SHC1: variants seen among roughly 807,000 people sequenced by gnomAD.
The protein encoded by SHC1 is SHC-transforming protein 1.
Under a neutral mutation model 55.9 loss-of-function variants are expected in SHC1, and 30 were observed. The ratio of observed to expected loss-of-function variants is 0.54; its 90% CI spans 0.40 to 0.73. The LOEUF (loss-of-function observed/expected upper bound fraction) is 0.73, where lower values mean the gene tolerates loss of function less well. Among genes scored for constraint, SHC1 ranks in the 30% least tolerant of loss-of-function variants. The pLI, the probability that SHC1 is intolerant of heterozygous loss-of-function variation, is 0.00. For missense variants in SHC1, 675 were observed against 777.1 expected (o/e 0.87, Z 1.56); for synonymous variants, 309 against 306.1 (o/e 1.01, Z -0.10).
At chr1:154,972,151 A>T (rs995204998), upstream of SHC1, among the ~76,000 whole-genome samples, 1 of 151,836 alleles carries the variant, frequency 6.6e-6, no homozygotes, top group African/African-American at 2.4e-5. Context: ...AGGCTGAGGC[A>T]GGAGAATCGC....
At chr1:154,964,761 T>A (rs1195694544) in intron 11 of SHC1, among the ~76,000 whole-genome samples, 1 of 152,066 alleles carries the variant, frequency 6.6e-6, no homozygotes, top group Admixed American at 6.5e-5. Flanking sequence ...CCACCACACC[T>A]GGCTAAACAA....
At chr1:154,964,071 C>T (rs754449084) in intron 11 of SHC1, 140 bp from the exon 12 acceptor site, 1 of 867,766 alleles carries the variant, frequency 1.2e-6, no homozygotes, top group Admixed American at 1.7e-5. Context: ...GCCTGTCAAT[C>T]CTGATCATTG....
rs372092282 is a variant in SHC1, at chr1:154,970,188, C to T, written c.339G>A (p.Lys113=). The part of the protein sequence containing the change: ...GPLPLLQDMN[K]LSGGGGRRTR... Reference sequence around the variant, plus strand: ...TCCTGCGCCCGCCGCCTCCACTCAGCTTGTTCATGTCCTGGAGGAGGGGTA... The same window carrying T: ...TCCTGCGCCCGCCGCCTCCACTCAGTTTGTTCATGTCCTGGAGGAGGGGTA... The change falls in exon 1 of 12, where the codon AAG becomes AAA. Residue 113 remains lysine, a synonymous_variant. Transcript: ENST00000448116. This position sits in a 1 kb window ranked among gnomAD's most constrained non-coding sequence, Gnocchi z 5.5. The T allele has an allele frequency of 6.2e-7, 1 of 1,613,722 alleles. No individual in the cohort carries two copies. The highest frequency in any genetic ancestry group is 8.5e-7 in the Non-Finnish European group (1 of 1,179,984).
chr1:154,965,443 G>A lies in SHC1; in HGVS notation c.1626+100C>T, dbSNP rs193245312. On this transcript the variant is annotated intron_variant, in intron 11 of 11. Transcript: ENST00000448116. Reference sequence around the variant, plus strand: ...AGAGGCCCATAGACAGCTGCCCAGCGGGAATGTCTACAAAGCAATGAGGGA... The same window carrying A: ...AGAGGCCCATAGACAGCTGCCCAGCAGGAATGTCTACAAAGCAATGAGGGA... 1.5e-4 allele frequency: 235 copies of A among 1,612,924 alleles called. 1 individual carries two copies. Among genetic ancestry groups the A allele is most frequent in the East Asian group, 7.6e-4 (34 of 44,868 alleles).
At chr1:154,968,111 C>T in intron 5 of SHC1, 80 bp from the exon 6 acceptor site, 2 of 1,586,254 alleles carry the variant, frequency 1.3e-6, no homozygotes, top group Non-Finnish European at 8.7e-7. Context: ...GATATCCCCA[C>T]AATCCTAGCA....
At position 154,970,448 on chromosome 1, in the gene SHC1, C is replaced by A. The variant is rs1656618136; in HGVS notation, c.79G>T (p.Gly27Trp). 6.2e-7 allele frequency: 1 copy of A among 1,611,530 alleles called. No individual in the cohort carries two copies. Among genetic ancestry groups the A allele is most frequent in the Non-Finnish European group, 8.5e-7 (1 of 1,179,282 alleles). ...SLSSLEEGAS[G>W]STPPEELPSP... is the part of the protein sequence containing the mutation. ...GGCAGCTCCTCCGGGGGGGTGGACC[C>A]AGAAGCCCCTTCCTCCAGCGATGAC... The change falls in exon 1 of 12, where the codon GGG (glycine) becomes TGG (tryptophan). Residue 27 changes from glycine to tryptophan, a missense_variant. Transcript: ENST00000448116. The surrounding 1 kb of genome is among the most constrained non-coding windows in gnomAD (Gnocchi z 5.5).
rs1457794526 is a variant in SHC1 at position 154,970,243 on chromosome 1, A to G, written c.284T>C (p.Val95Ala). ...GRAADDGEGI[V>A]GAAMPDSGPL... ...GCCTGAGTCTGGCATGGCTGCCCCTACGATCCCCTCCCCATCATCAGCTGC... is the reference window on the plus strand; with the variant it reads ...GCCTGAGTCTGGCATGGCTGCCCCTGCGATCCCCTCCCCATCATCAGCTGC... The change falls in exon 1 of 12, where the codon GTA becomes GCA. Residue 95 changes from valine (V) to alanine (A), a missense_variant. Val to Ala is a moderately conservative substitution (Grantham distance 64). Coordinates refer to ENST00000448116, the MANE Select transcript of SHC1 (RefSeq NM_001130040.2). The surrounding 1 kb of genome is among the most constrained non-coding windows in gnomAD (Gnocchi z 5.5). 1 of 1,612,538 alleles carries G rather than the reference A, an allele frequency of 6.2e-7. No homozygotes were observed. The highest frequency in any genetic ancestry group is 8.5e-7 in the Non-Finnish European group (1 of 1,179,176).
At chr1:154,967,881 C>T (rs568958767) in intron 6 of SHC1, 84 bp from the exon 7 acceptor site, 41 of 1,600,244 alleles carry the variant, frequency 2.6e-5, no homozygotes, top group Non-Finnish European at 3.2e-5. Context: ...TCTGCAGGAA[C>T]CCCCACTGAG....
rs1355571152 is a variant in SHC1 at position 154,968,842 on chromosome 1, AAG to A, written c.567-10_567-9del. ...ACCAGACTGATGGCCTCCCTGGGGA[AAG>A]AGGGGTACTCAGACCCAGCGCCTGC... is the stretch of plus-strand genomic sequence containing the variant. On this transcript the variant is annotated splice_polypyrimidine_tract_variant and intron_variant, in intron 2 of 11. Coordinates refer to ENST00000448116, the MANE Select transcript of SHC1 (RefSeq NM_001130040.2). 6 of 1,613,592 alleles carry A rather than the reference AAG, an allele frequency of 3.7e-6. No individual in the cohort carries two copies. The highest frequency in any genetic ancestry group is 2.7e-5 in the African/African-American group (2 of 74,882).
chr1:154,965,368 G>T, intron 11 of SHC1, 175 bp downstream of exon 11: 1 of 1,593,260 alleles, frequency 6.3e-7, no homozygotes, highest in Non-Finnish European at 8.5e-7. Flanking sequence ...CATAGTTCAG[G>T]CTAAGGGATG....
chr1:154,965,584 C>G lies in SHC1; in HGVS notation c.1585G>C (p.Gly529Arg), dbSNP rs1655848251. ...GQYVLTGLQS[G>R]QPKHLLLVDP... ...ACCAGTAGCAAATGCTTAGGCTGCC[C>G]ACTCTGCAAGCCAGTGAGCACATAC... is the stretch of plus-strand genomic sequence containing the variant. The change falls in exon 11 of 12, where the codon GGG becomes CGG. Residue 529 changes from glycine (G) to arginine (R), a missense_variant. By Grantham distance (125) the Gly-to-Arg change is moderately radical. Around this residue, in one of 3 missense-constraint regions of SHC1, gnomAD observed 360 missense variants for 371.1 expected, o/e 0.97. Transcript: ENST00000448116. 1.2e-6 allele frequency: 2 copies of G among 1,614,178 alleles called. No individual in the cohort carries two copies. The highest frequency in any genetic ancestry group is 1.7e-6 in the Non-Finnish European group (2 of 1,180,052).
At position 154,965,606 on chromosome 1, in the gene SHC1, A is replaced by AT; in HGVS notation, c.1562dup (p.Tyr521Ter). 1 of 1,614,130 alleles carries AT rather than the reference A, an allele frequency of 6.2e-7. No individual in the cohort carries two copies. The highest frequency in any genetic ancestry group is 1.7e-5 in the Admixed American group (1 of 60,022). ...GCCCACTCTGCAAGCCAGTGAGCAC[A>AT]TACTGGCCAGGTGTGGTCGTGCTCT... ...VRESTTTPGQ[Y>*]VLTGLQSGQP... Residue 521 changes from tyrosine (Y) to a stop codon, truncating the protein, a stop_gained and frameshift_variant, in exon 11 of 12, where the codon TAT becomes TAAT. Coordinates refer to ENST00000448116, the MANE Select transcript of SHC1 (RefSeq NM_001130040.2). LOFTEE classifies it high-confidence loss of function.
rs750598521 is a variant in SHC1 at position 154,968,763 on chromosome 1, C to A, written c.630+8G>T. 2.5e-5 allele frequency: 40 copies of A among 1,613,338 alleles called. No individual in the cohort carries two copies. Among genetic ancestry groups the A allele is most frequent in the Non-Finnish European group, 5.1e-6 (6 of 1,179,498 alleles). Reference sequence around the variant, plus strand: ...AGCAGCATCCCTATCCCCAAGGACCCCAAGTACCTTTCTCCTCCTTGTCGC... The same window carrying A: ...AGCAGCATCCCTATCCCCAAGGACCACAAGTACCTTTCTCCTCCTTGTCGC... On this transcript the variant is annotated splice_region_variant and intron_variant, in intron 3 of 11. Coordinates refer to ENST00000448116, the MANE Select transcript of SHC1 (RefSeq NM_001130040.2).
upstream of SHC1, among the ~76,000 whole-genome samples, chr1:154,973,673 A>G (rs1656966646): frequency 6.6e-6 from 1 of 152,196 alleles, no homozygotes; most frequent in African/African-American, 2.4e-5. Context: ...AAAGGACAGG[A>G]AAATATAAGC....
Position 154,966,306 on chromosome 1 carries a change from C to A in SHC1, c.1182+13G>T, listed in dbSNP as rs1390230999. 18 of 1,612,982 alleles carry A rather than the reference C, an allele frequency of 1.1e-5. No individual in the cohort carries two copies. The highest frequency in any genetic ancestry group is 1.5e-5 in the Non-Finnish European group (18 of 1,179,102). On this transcript the variant is annotated intron_variant, in intron 8 of 11. Transcript: ENST00000448116. The stretch of plus-strand genomic sequence containing the variant: ...CACCCTAGCCCCAGCCCGCCTCCAT[C>A]CAAGCAACTTACCAATGTAGCTCCC...
At position 154,968,220 on chromosome 1, in the gene SHC1, G is replaced by A. The variant is rs1156322221; in HGVS notation, c.788C>T (p.Ala263Val). Reference sequence around the variant, plus strand: ...CCAACTCACCGGATCCCCGCCGGATGCAAATGAGATAGATTGCATGTGGTG... The same window carrying A: ...CCAACTCACCGGATCCCCGCCGGATACAAATGAGATAGATTGCATGTGGTG... ...ANHHMQSISF[A>V]SGGDPDTAEY... The change falls in exon 5 of 12, where the codon GCA becomes GTA. Residue 263 changes from alanine to valine, a missense_variant. Physicochemically the swap from Ala to Val is moderately conservative, Grantham distance 64 (BLOSUM62 0). This residue lies in a region of SHC1 where 159 missense variants were observed against 246.9 expected (regional missense o/e 0.64). Coordinates refer to ENST00000448116, the MANE Select transcript of SHC1 (RefSeq NM_001130040.2). 1 of 1,614,142 alleles carries A rather than the reference G, an allele frequency of 6.2e-7. No homozygotes were observed. Among genetic ancestry groups the A allele is most frequent in the Admixed American group, 1.7e-5 (1 of 60,028 alleles).
rs1183506359 is a variant in SHC1, at chr1:154,970,106, C to G, written c.421G>C (p.Val141Leu). Residue 141 changes from valine (V) to leucine (L), a missense_variant, in exon 1 of 12, where the codon GTC (valine) becomes CTC (leucine). Physicochemically the swap from Val to Leu is conservative, Grantham distance 32. Coordinates refer to ENST00000448116, the MANE Select transcript of SHC1 (RefSeq NM_001130040.2). This position sits in a 1 kb window ranked among gnomAD's most constrained non-coding sequence, Gnocchi z 5.5. ...GEEWTRHGSF[V>L]NKPTRGWLHP... ...AGCCAGCCCCGCGTGGGCTTATTGACAAAGCTCCCGTGGCGGGTCCACTCC... is the reference window on the plus strand; with the variant it reads ...AGCCAGCCCCGCGTGGGCTTATTGAGAAAGCTCCCGTGGCGGGTCCACTCC... 46 of 1,613,964 alleles carry G rather than the reference C, an allele frequency of 2.9e-5. No homozygotes were observed. The highest frequency in any genetic ancestry group is 3.7e-5 in the Non-Finnish European group (44 of 1,180,002).
Position 154,967,804 on chromosome 1 carries a change from G to C in SHC1, c.857-7C>G. On this transcript the variant is annotated splice_region_variant and splice_polypyrimidine_tract_variant and intron_variant, in intron 6 of 11. Coordinates refer to ENST00000448116, the MANE Select transcript of SHC1 (RefSeq NM_001130040.2). ...CACTCCAGAATGTGGCAGGCTGAGGGCACAGCAGAGGCTGTCAGTGAGCTG... is the reference window on the plus strand; with the variant it reads ...CACTCCAGAATGTGGCAGGCTGAGGCCACAGCAGAGGCTGTCAGTGAGCTG... The C allele has an allele frequency of 1.9e-6, 3 of 1,613,898 alleles. No homozygotes were observed. Among genetic ancestry groups the C allele is most frequent in the Non-Finnish European group, 2.5e-6 (3 of 1,179,854 alleles).
Position 154,963,317 on chromosome 1 carries a change from G to C in SHC1, c.*486C>G, listed in dbSNP as rs1196292324. 1 of 154,308 alleles carries C rather than the reference G, an allele frequency of 6.5e-6. No homozygotes were observed. Among genetic ancestry groups the C allele is most frequent in the Non-Finnish European group, 1.4e-5 (1 of 69,026 alleles). 9.6% of individuals were successfully genotyped at this position (154,308 alleles called of 1,614,324 possible). A position where few individuals can be genotyped will look rare whatever the true frequency, so the allele number is the denominator to read the frequency against. ...TTGGCATCCCTGTCATTGAATTCAGGGGTCCAAGAACTGTTTGCATAAAAT... is the reference window on the plus strand; with the variant it reads ...TTGGCATCCCTGTCATTGAATTCAGCGGTCCAAGAACTGTTTGCATAAAAT... On this transcript the variant is annotated 3_prime_UTR_variant, in exon 12 of 12. Transcript: ENST00000448116.
Sources: allele counts gnomAD v4.1 joint callset (sites outside exome capture counted in the v4.1 genomes callset), GRCh38; gene constraint gnomAD v4.1.1; regional missense constraint gnomAD v4.1.1; non-coding constraint Gnocchi (gnomAD v3.1); transcripts MANE v1.5; gene names NCBI Gene and HGNC (gene_info 2026-07-23, HGNC 2026-07-21).